The following MICAL2 variants were observed in gnomAD, a reference collection of about 807,000 sequenced individuals.
The protein encoded by MICAL2 is [F-actin]-monooxygenase MICAL2.
In MICAL2, 77 loss-of-function variants were observed where a neutral mutation model predicts 127.3. That is an observed-to-expected ratio of 0.60 (90% CI 0.50 to 0.73). The LOEUF (loss-of-function observed/expected upper bound fraction) is 0.73, where lower values mean the gene tolerates loss of function less well. Ranked by LOEUF, MICAL2 falls within the 30% of genes least tolerant of loss-of-function variation. The pLI, the probability that MICAL2 is intolerant of heterozygous loss-of-function variation, is 0.00. For synonymous variants in MICAL2, 570 were observed against 551.1 expected, an observed-to-expected ratio of 1.03 and a Z score of -0.48; for missense variants, 1,351 against 1,434.4, an observed-to-expected ratio of 0.94 and a Z score of 0.94.
chr11:12,272,464 A>G (rs1195751494), upstream of MICAL2, among the ~76,000 whole-genome samples: 1 of 152,198 alleles, frequency 6.6e-6, no homozygotes, highest in Non-Finnish European at 1.5e-5. Context: ...TTGTGGTGGC[A>G]GGTTCATCCC....
chr11:12,162,217 A>G lies in MICAL2; in HGVS notation c.62A>G (p.Gln21Arg). Residue 21 changes from glutamine to arginine, a missense_variant, in exon 3 of 28, where the codon CAG (glutamine) becomes CGG (arginine). By Grantham distance (43) the Gln-to-Arg change is conservative. Around this residue, in one of 2 missense-constraint regions of MICAL2, gnomAD observed 599 missense variants for 714.9 expected, o/e 0.84. Transcript: ENST00000683283. ...GGGCAGGTTTTTGAGAACTTTGTCC[A>G]GGCATCCACGTGCAAAGGTACCCTC... ...QAGQVFENFVQASTCKGTLQA... is the reference protein window; with the variant it reads ...QAGQVFENFVRASTCKGTLQA... 1.9e-6 allele frequency: 3 copies of G among 1,614,220 alleles called. No homozygotes were observed. In the South Asian group the frequency reaches 3.3e-5, roughly 18 times the overall value.
At chr11:12,262,294 C>T in intron 26 of MICAL2, 186 bp from the exon 27 acceptor site, 2 of 1,439,206 alleles carry the variant, frequency 1.4e-6, no homozygotes, top group Admixed American at 5.5e-5. Context: ...TAGCTGGTCA[C>T]AACCAGAAAG....
At chr11:12,292,842 G>C (rs1863923194), downstream of MICAL2, among the ~76,000 whole-genome samples, 1 of 152,190 alleles carries the variant, frequency 6.6e-6, no homozygotes, top group Non-Finnish European at 1.5e-5. Flanking sequence ...TGGGTGCTCT[G>C]GTGAAGCCCC....
At chr11:12,151,150 T>C (rs1853536633) in intron 2 of MICAL2, among the ~76,000 whole-genome samples, 1 of 152,152 alleles carries the variant, frequency 6.6e-6, no homozygotes. Flanking sequence ...GGAAATGAAC[T>C]AGCTTATCTG....
chr11:12,184,677 A>T (rs1857930735), intron 3 of MICAL2, among the ~76,000 whole-genome samples: 1 of 152,174 alleles, frequency 6.6e-6, no homozygotes, highest in Admixed American at 6.5e-5. Flanking sequence ...TAGGAGAATC[A>T]TTGTTTCAGT....
chr11:12,262,381 C>T (rs10765933), intron 26 of MICAL2, 99 bp from the exon 27 acceptor site: 365,282 of 1,582,922 alleles, frequency 0.23, 43,194 homozygotes, highest in South Asian at 0.3. Context: ...TTTTCAACTC[C>T]GGTGCCTTCT....
chr11:12,268,284 A>C (rs1414321930), downstream of MICAL2, among the ~76,000 whole-genome samples: 1 of 151,940 alleles, frequency 6.6e-6, no homozygotes, highest in Non-Finnish European at 1.5e-5. Flanking sequence ...GTCATGTACA[A>C]CTCTTGGGAG....
chr11:12,324,156 T>C (rs1565305458), intron 31 of MICAL2: 4 of 1,492,688 alleles, frequency 2.7e-6, no homozygotes, highest in Admixed American at 4.6e-5. Flanking sequence ...GGGGTCTGCA[T>C]TGTATTAGGG....
At chr11:12,233,995 G>A (rs555549885) in intron 15 of MICAL2, among the ~76,000 whole-genome samples, 3 of 152,306 alleles carry the variant, frequency 2.0e-5, no homozygotes, top group East Asian at 1.9e-4. Flanking sequence ...AACCATTTGG[G>A]TATATGTGTT....
At chr11:12,296,458 TA>T (rs1863986572), downstream of MICAL2, among the ~76,000 whole-genome samples, 1 of 150,678 alleles carries the variant, frequency 6.6e-6, no homozygotes, top group African/African-American at 2.4e-5. Flanking sequence ...AATAAACTAT[TA>T]AACTTTAGTT....
At chr11:12,358,552 G>A, downstream of MICAL2, 3 of 1,421,670 alleles carry the variant, frequency 2.1e-6, no homozygotes, top group Non-Finnish European at 9.7e-7. Flanking sequence ...CACCCTCATG[G>A]GTCTTTCTGC....
intron 2 of MICAL2, among the ~76,000 whole-genome samples, chr11:12,156,339 G>A (rs544817143): frequency 2.8e-4 from 42 of 152,332 alleles, no homozygotes; most frequent in African/African-American, 9.1e-4. Flanking sequence ...GGGCTTCCTG[G>A]AGGTGATCTC....
At chr11:12,315,421 G>A (rs1255192723) in intron 29 of MICAL2, among the ~76,000 whole-genome samples, 1 of 152,088 alleles carries the variant, frequency 6.6e-6, no homozygotes, top group Non-Finnish European at 1.5e-5. Flanking sequence ...TTTGTAGTCT[G>A]GGTGACAGAG....
At chr11:12,291,460 C>T (rs1863900188), downstream of MICAL2, among the ~76,000 whole-genome samples, 1 of 152,138 alleles carries the variant, frequency 6.6e-6, no homozygotes, top group Admixed American at 6.5e-5. Flanking sequence ...AGCACTGAAC[C>T]AGGCCTGTCC....
intron 15 of MICAL2, among the ~76,000 whole-genome samples, chr11:12,234,771 G>T (rs979758188): frequency 2.6e-5 from 4 of 152,152 alleles, no homozygotes; most frequent in African/African-American, 9.7e-5. Context: ...TTGGAGGGAG[G>T]GGATGCGTAC....
chr11:12,347,912 G>A (rs751348559), intron 32 of MICAL2, among the ~76,000 whole-genome samples: 28 of 151,970 alleles, frequency 1.8e-4, no homozygotes, highest in Non-Finnish European at 2.9e-4. Context: ...CCAACACTTC[G>A]GGAGGCCAAG....
intron 2 of MICAL2, among the ~76,000 whole-genome samples, chr11:12,141,102 T>C (rs1041563571): frequency 1.3e-5 from 2 of 152,234 alleles, no homozygotes; most frequent in Admixed American, 1.3e-4. Flanking sequence ...GTCTGCTCTT[T>C]CCCTAAGTGA....
At chr11:12,153,775 C>A (rs1853854973) in intron 2 of MICAL2, among the ~76,000 whole-genome samples, 1 of 152,198 alleles carries the variant, frequency 6.6e-6, no homozygotes, top group Admixed American at 6.5e-5. Context: ...ATTGTGGTCA[C>A]CTCTCACTGT....
chr11:12,238,115 A>G (rs1859340448), intron 16 of MICAL2, among the ~76,000 whole-genome samples: 1 of 152,192 alleles, frequency 6.6e-6, no homozygotes, highest in African/African-American at 2.4e-5. Flanking sequence ...AAAATTAACT[A>G]TAGCTTGCCT....
Sources: allele counts gnomAD v4.1 joint callset (sites outside exome capture counted in the v4.1 genomes callset), GRCh38; gene constraint gnomAD v4.1.1; regional missense constraint gnomAD v4.1.1; transcripts MANE v1.5; gene names NCBI Gene and HGNC (gene_info 2026-07-23, HGNC 2026-07-21).